The following HS3ST5 variants were observed in gnomAD, a reference collection of about 807,000 sequenced individuals.
The protein encoded by HS3ST5 is heparan sulfate-glucosamine 3-sulfotransferase 5, also known as heparan sulfate glucosamine 3-O-sulfotransferase 5.
A neutral mutation model predicts 25.4 loss-of-function variants in HS3ST5; 10 were observed. The ratio of observed to expected loss-of-function variants is 0.39; its 90% CI spans 0.24 to 0.67. The LOEUF (loss-of-function observed/expected upper bound fraction) is 0.67. HS3ST5 is among the 30% of genes least tolerant of loss of function. The pLI is 0.44. For missense variants in HS3ST5, 324 were observed against 420.7 expected (o/e 0.77, Z 2.01); for synonymous variants, 170 against 162.4 (o/e 1.05, Z -0.36).
intron 2 of HS3ST5, among the ~76,000 whole-genome samples, chr6:114,194,934 C>A (rs935200712): frequency 6.6e-6 from 1 of 152,224 alleles, no homozygotes; most frequent in African/African-American, 2.4e-5. Context: ...ATCAGAATAG[C>A]CACCTTGCAG....
At chr6:114,060,068 C>G (rs1480505000) in intron 4 of HS3ST5, among the ~76,000 whole-genome samples, 1 of 152,040 alleles carries the variant, frequency 6.6e-6, no homozygotes, top group Non-Finnish European at 1.5e-5. Flanking sequence ...GGCTGCAGTG[C>G]AGTGGCACGA....
intron 3 of HS3ST5, among the ~76,000 whole-genome samples, chr6:114,135,077 G>A (rs1045479712): frequency 2.0e-5 from 3 of 152,160 alleles, no homozygotes; most frequent in Non-Finnish European, 4.4e-5. Flanking sequence ...GGGTGGAAGG[G>A]GCATGAGACA....
chr6:114,285,665 G>T (rs1774306342), intron 1 of HS3ST5, among the ~76,000 whole-genome samples: 1 of 151,806 alleles, frequency 6.6e-6, no homozygotes, highest in East Asian at 2.0e-4. Context: ...ACTTGGGCCT[G>T]TCAGGGTGGG....
intron 3 of HS3ST5, among the ~76,000 whole-genome samples, chr6:114,127,528 A>G (rs1362152338): frequency 6.6e-6 from 1 of 152,128 alleles, no homozygotes; most frequent in East Asian, 1.9e-4. Context: ...AACCCAAAAC[A>G]ATTTTGATTC....
chr6:114,057,146 T>C lies in HS3ST5; in HGVS notation c.*111A>G, dbSNP rs185914794. On this transcript the variant is annotated 3_prime_UTR_variant, in exon 5 of 5. Transcript: ENST00000312719. The stretch of plus-strand genomic sequence containing the variant: ...GTCACACACTGCGTATGTACAAATA[T>C]ACATGGAAAAATGACTTGGATAGCT... 1.2e-4 allele frequency: 93 copies of C among 775,340 alleles called. No individual in the cohort carries two copies. In the East Asian group the frequency reaches 2.1e-3, roughly 17 times the overall value. The allele number at this position is 775,340 out of a possible 1,614,324, so 48.0% of individuals were successfully genotyped here.
At chr6:114,080,406 A>G (rs190134481) in intron 3 of HS3ST5, among the ~76,000 whole-genome samples, 74 of 152,348 alleles carry the variant, frequency 4.9e-4, no homozygotes, top group African/African-American at 1.8e-3. Context: ...AAACAGAACT[A>G]CCATTTGACC....
At chr6:114,093,329 C>T (rs535525266) in intron 3 of HS3ST5, among the ~76,000 whole-genome samples, 2 of 148,582 alleles carry the variant, frequency 1.3e-5, no homozygotes, top group Admixed American at 1.4e-4. Flanking sequence ...TGAGAATGAC[C>T]TTGTATCTTT....
At position 114,115,581 on chromosome 6, in the gene HS3ST5, C is replaced by A. The variant is rs144607536; in HGVS notation, c.-32-52704G>T. Among the ~76,000 whole-genome samples the A allele has an allele frequency of 1.2e-3, 178 of 152,088 alleles. 1 individual carries two copies. The Middle Eastern group carries it at 0.02, about 17-fold the overall frequency. ...ACTGGCCCGAAAATCTTGCTCTTTC[C>A]CTTATACACAATCCCTCCACAAATG... On this transcript the variant is annotated intron_variant, in intron 3 of 4. Transcript: ENST00000312719.
chr6:114,132,795 T>C (rs147552689), intron 3 of HS3ST5, among the ~76,000 whole-genome samples: 118 of 152,310 alleles, frequency 7.7e-4, no homozygotes, highest in African/African-American at 2.6e-3. Flanking sequence ...CGGCTGGACC[T>C]TGAGGCTCCT....
At chr6:114,151,090 A>G (rs945725980) in intron 3 of HS3ST5, among the ~76,000 whole-genome samples, 3 of 152,188 alleles carry the variant, frequency 2.0e-5, no homozygotes, top group African/African-American at 7.2e-5. Context: ...ACTCTGATAG[A>G]ATGAAGCACT....
At chr6:114,297,559 T>G (rs1270923374) in intron 1 of HS3ST5, among the ~76,000 whole-genome samples, 1 of 152,162 alleles carries the variant, frequency 6.6e-6, no homozygotes, top group Non-Finnish European at 1.5e-5. Flanking sequence ...TTTTCATACA[T>G]TACACAATGA....
At chr6:114,309,313 G>C (rs890901805) in intron 1 of HS3ST5, among the ~76,000 whole-genome samples, 2 of 152,080 alleles carry the variant, frequency 1.3e-5, no homozygotes, top group African/African-American at 4.8e-5. Context: ...AGCAGTAATA[G>C]GTAAAAACCT....
intron 1 of HS3ST5, among the ~76,000 whole-genome samples, chr6:114,338,070 T>C (rs1457007925): frequency 1.3e-5 from 2 of 152,048 alleles, no homozygotes; most frequent in Non-Finnish European, 2.9e-5. Flanking sequence ...ATAAAATTTA[T>C]TGCAAGTGTT....
intron 2 of HS3ST5, among the ~76,000 whole-genome samples, chr6:114,223,840 T>C (rs1189716814): frequency 1.3e-5 from 2 of 151,780 alleles, no homozygotes; most frequent in Non-Finnish European, 3.0e-5. Flanking sequence ...TAAATTTCAA[T>C]ATAAATATTT....
intron 2 of HS3ST5, among the ~76,000 whole-genome samples, chr6:114,199,828 A>T (rs1378575844): frequency 6.6e-6 from 1 of 152,226 alleles, no homozygotes; most frequent in African/African-American, 2.4e-5. Flanking sequence ...ACACCAAAAA[A>T]GATAGCACCT....
intron 3 of HS3ST5, among the ~76,000 whole-genome samples, chr6:114,147,701 C>T (rs1407155795): frequency 1.3e-5 from 2 of 152,166 alleles, no homozygotes; most frequent in African/African-American, 4.8e-5. Context: ...CTGCCTCAGC[C>T]TCCCGAGTAG....
At chr6:114,280,553 T>C in intron 1 of HS3ST5, among the ~76,000 whole-genome samples, 1 of 152,066 alleles carries the variant, frequency 6.6e-6, no homozygotes, top group Admixed American at 6.6e-5. Flanking sequence ...ATAACGATGG[T>C]TACTGAATGT....
intron 3 of HS3ST5, among the ~76,000 whole-genome samples, chr6:114,103,694 T>TTTCTTC (rs1264483774): frequency 2.0e-5 from 3 of 149,946 alleles, no homozygotes; most frequent in African/African-American, 7.4e-5. Flanking sequence ...TTTCTTTCTT[T>TTTCTTC]TTCTTCTTCT....
intron 2 of HS3ST5, among the ~76,000 whole-genome samples, chr6:114,212,920 G>A (rs1781570453): frequency 6.6e-6 from 1 of 152,194 alleles, no homozygotes; most frequent in South Asian, 2.1e-4. Context: ...TCTGGGTGCT[G>A]ACAGGACTTT....
Sources: allele counts gnomAD v4.1 joint callset (sites outside exome capture counted in the v4.1 genomes callset), GRCh38; gene constraint gnomAD v4.1.1; transcripts MANE v1.5; gene names NCBI Gene and HGNC (gene_info 2026-07-23, HGNC 2026-07-21).